YIPF7: variants seen among roughly 807,000 people sequenced by gnomAD.
The protein encoded by YIPF7 is Yip1 domain family member 7, also known as protein YIPF7.
In YIPF7, 35 loss-of-function variants were observed where a neutral mutation model predicts 27.2. The observed-to-expected ratio is 1.29, with a 90% CI of 0.98 to 1.70. The LOEUF is 1.70. Among genes scored for constraint, YIPF7 ranks in the 40% most tolerant of loss-of-function variants. The pLI, the probability that YIPF7 is intolerant of heterozygous loss-of-function variation, is 0.00. For synonymous variants in YIPF7, 137 were observed against 110.4 expected, an observed-to-expected ratio of 1.24 and a Z score of -1.51; for missense variants, 358 against 303.7, an observed-to-expected ratio of 1.18 and a Z score of -1.33.
At chr4:44,636,952 C>A (rs1320133077) in intron 2 of YIPF7, among the ~76,000 whole-genome samples, 1 of 152,158 alleles carries the variant, frequency 6.6e-6, no homozygotes, top group East Asian at 1.9e-4. Context: ...CTACTCTCTA[C>A]TTCCATGTGT....
upstream of YIPF7, among the ~76,000 whole-genome samples, chr4:44,654,269 T>C (rs71611909): frequency 6.6e-6 from 1 of 151,336 alleles, no homozygotes; most frequent in Admixed American, 6.6e-5. Context: ...AGATTGATAT[T>C]ACATATAGTC....
At chr4:44,654,274 A>T (rs1713825172), upstream of YIPF7, among the ~76,000 whole-genome samples, 1 of 151,484 alleles carries the variant, frequency 6.6e-6, no homozygotes, top group South Asian at 2.1e-4. Context: ...GATATTACAT[A>T]TAGTCACAGT....
intron 2 of YIPF7, among the ~76,000 whole-genome samples, chr4:44,647,968 A>G (rs1713586325): frequency 6.6e-6 from 1 of 152,160 alleles, no homozygotes; most frequent in Non-Finnish European, 1.5e-5. Flanking sequence ...TTTATGGAAC[A>G]GTTTATTCTT....
rs547726428 is a variant in YIPF7 at position 44,636,234 on chromosome 4, G to A, written c.117-149C>T. On this transcript the variant is annotated intron_variant, in intron 2 of 5. Transcript: ENST00000415895. The stretch of plus-strand genomic sequence containing the variant: ...ACAACTTACTTAAAATTTAACTTTA[G>A]TCCAAAAATGTAAAATAACTGGTCA... 7.1e-6 allele frequency: 6 copies of A among 846,244 alleles called. No individual in the cohort carries two copies. In the Admixed American group the frequency reaches 1.8e-4, roughly 26 times the overall value. 52.4% of individuals were successfully genotyped at this position (846,244 alleles called of 1,614,324 possible).
upstream of YIPF7, among the ~76,000 whole-genome samples, chr4:44,654,292 A>G (rs373901208): frequency 1.3e-5 from 2 of 152,068 alleles, no homozygotes; most frequent in Non-Finnish European, 2.9e-5. Flanking sequence ...AGTGTCATCA[A>G]TTATTTTAAC....
chr4:44,636,799 G>A (rs1047811392), intron 2 of YIPF7, among the ~76,000 whole-genome samples: 13 of 151,918 alleles, frequency 8.6e-5, no homozygotes, highest in Admixed American at 6.6e-4. Flanking sequence ...ATAAAATTTT[G>A]TTACATGCAT....
chr4:44,651,288 T>C (rs1478591509), intron 1 of YIPF7, among the ~76,000 whole-genome samples: 1 of 152,226 alleles, frequency 6.6e-6, no homozygotes, highest in Non-Finnish European at 1.5e-5. Flanking sequence ...TAAAAGTAGC[T>C]ATGAATTATG....
chr4:44,625,958 A>G (rs948137533), intron 4 of YIPF7, among the ~76,000 whole-genome samples: 12 of 152,220 alleles, frequency 7.9e-5, no homozygotes, highest in Non-Finnish European at 1.3e-4. Flanking sequence ...TTGATTCAGG[A>G]GAGAAGGAGC....
At chr4:44,643,938 C>G (rs1713431176) in intron 2 of YIPF7, among the ~76,000 whole-genome samples, 1 of 152,082 alleles carries the variant, frequency 6.6e-6, no homozygotes, top group African/African-American at 2.4e-5. Context: ...TGGAACACCT[C>G]TACTAGGGAA....
chr4:44,622,959 G>A lies in YIPF7; in HGVS notation c.609-383C>T, dbSNP rs73191038. On this transcript the variant is annotated intron_variant, in intron 5 of 5. Transcript: ENST00000415895. Reference sequence around the variant, plus strand: ...CTTTCCTCAAAAATTGGCCAACAGCGTAGGAGAAAGATAGACAGAGTTACA... The same window carrying A: ...CTTTCCTCAAAAATTGGCCAACAGCATAGGAGAAAGATAGACAGAGTTACA... Among the ~76,000 whole-genome samples, 309 of 152,246 alleles carry A rather than the reference G, an allele frequency of 2.0e-3. 3 individuals are homozygous for A. Among genetic ancestry groups the A allele is most frequent in the African/African-American group, 6.7e-3 (279 of 41,524 alleles).
chr4:44,647,950 T>A (rs1467165645), intron 2 of YIPF7, among the ~76,000 whole-genome samples: 1 of 152,128 alleles, frequency 6.6e-6, no homozygotes, highest in African/African-American at 2.4e-5. Flanking sequence ...ATATACCACA[T>A]ATCCTAATTT....
chr4:44,632,017 T>C (rs975196183), intron 3 of YIPF7, among the ~76,000 whole-genome samples: 10 of 152,108 alleles, frequency 6.6e-5, no homozygotes, highest in African/African-American at 2.2e-4. Flanking sequence ...ATGTCAACCA[T>C]GTATTTAATG....
intron 3 of YIPF7, among the ~76,000 whole-genome samples, chr4:44,630,803 C>T (rs1712862145): frequency 1.3e-5 from 2 of 152,188 alleles, no homozygotes; most frequent in East Asian, 1.9e-4. Context: ...ATATCGATAC[C>T]AGATCAGTTT....
Position 44,622,353 on chromosome 4 carries a change from A to G in YIPF7, c.*61T>C, listed in dbSNP as rs575135983. The G allele has an allele frequency of 1.3e-6, 2 of 1,526,448 alleles. No individual in the cohort carries two copies. Among genetic ancestry groups the G allele is most frequent in the African/African-American group, 1.4e-5 (1 of 71,984 alleles). The allele number at this position is 1,526,448 out of a possible 1,614,324, so 94.6% of individuals were successfully genotyped here. A position where few individuals can be genotyped will look rare whatever the true frequency, so the allele number is the denominator to read the frequency against. On this transcript the variant is annotated 3_prime_UTR_variant, in exon 6 of 6. Transcript: ENST00000415895. Reference sequence around the variant, plus strand: ...ATCATATCACCAAATTTGAATGTTAATATATTTCCAAAATAATCTGGACAG... The same window carrying G: ...ATCATATCACCAAATTTGAATGTTAGTATATTTCCAAAATAATCTGGACAG...
At chr4:44,645,116 C>T (rs1713480392) in intron 2 of YIPF7, among the ~76,000 whole-genome samples, 1 of 152,100 alleles carries the variant, frequency 6.6e-6, no homozygotes, top group South Asian at 2.1e-4. Context: ...TATAAATTAC[C>T]CAGTCTCGAG....
At chr4:44,638,161 A>G (rs1713201329) in intron 2 of YIPF7, among the ~76,000 whole-genome samples, 1 of 149,746 alleles carries the variant, frequency 6.7e-6, no homozygotes. Context: ...CTCCTTGCCC[A>G]CTTTTCAATG....
intron 2 of YIPF7, among the ~76,000 whole-genome samples, chr4:44,641,102 A>C (rs1008322619): frequency 2.6e-5 from 4 of 152,098 alleles, no homozygotes; most frequent in Non-Finnish European, 4.4e-5. Context: ...AGGAAAGTGG[A>C]CCACGTATAG....
At chr4:44,636,992 A>T (rs1283975756) in intron 2 of YIPF7, among the ~76,000 whole-genome samples, 2 of 152,132 alleles carry the variant, frequency 1.3e-5, no homozygotes, top group Non-Finnish European at 2.9e-5. Context: ...ATGAGTAAAA[A>T]CATGTGATAT....
At chr4:44,629,289 TA>T in intron 4 of YIPF7, 113 bp downstream of exon 4, 6 of 1,246,290 alleles carry the variant, frequency 4.8e-6, no homozygotes, top group Non-Finnish European at 6.1e-6. Context: ...CTCTCTCACT[TA>T]AAAAATTCAC....
Sources: gnomAD v4.1 joint callset for allele counts (sites outside exome capture counted in the v4.1 genomes callset) on GRCh38, gnomAD v4.1.1 for gene constraint, MANE v1.5 for transcripts, NCBI Gene and HGNC (gene_info 2026-07-23, HGNC 2026-07-21) for gene names.